The following SLC14A2 variants were observed in gnomAD, a reference collection of about 807,000 sequenced individuals.
SLC14A2 encodes the protein solute carrier family 14 member 2, also known as urea transporter 2.
A neutral mutation model predicts 104.6 loss-of-function variants in SLC14A2; 91 were observed. The observed-to-expected ratio is 0.87, with a 90% CI of 0.73 to 1.04. SLC14A2 has a LOEUF of 1.04. Among genes scored for constraint, SLC14A2 ranks in the 50% least tolerant of loss-of-function variants. SLC14A2 has a pLI of 0.00. For synonymous variants in SLC14A2, 476 were observed against 466.4 expected, an observed-to-expected ratio of 1.02 and a Z score of -0.27; for missense variants, 1,189 against 1,156.0, an observed-to-expected ratio of 1.03 and a Z score of -0.41.
At chr18:45,582,244 T>C (rs1227587229) in intron 2 of SLC14A2, among the ~76,000 whole-genome samples, 1 of 152,136 alleles carries the variant, frequency 6.6e-6, no homozygotes, top group African/African-American at 2.4e-5. Flanking sequence ...CCTCTAGCAT[T>C]TAAGTAGTAT....
intron 2 of SLC14A2, among the ~76,000 whole-genome samples, chr18:45,486,139 A>G (rs1348268037): frequency 6.6e-6 from 1 of 152,172 alleles, no homozygotes; most frequent in Non-Finnish European, 1.5e-5. Context: ...TGCTACTGCC[A>G]TTATTGTTTT....
Position 45,502,916 on chromosome 18 carries a change from G to T in SLC14A2, c.-35+19594G>T, listed in dbSNP as rs190215705. On this transcript the variant is annotated intron_variant, in intron 2 of 20. Coordinates refer to the SLC14A2 transcript ENST00000586448. ...ATGTGTCCTATGTGTCCTATTTCTGGTTTTTTTTTTTTAAGGAATGATCAA... is the reference window on the plus strand; with the variant it reads ...ATGTGTCCTATGTGTCCTATTTCTGTTTTTTTTTTTTTAAGGAATGATCAA... 1.1e-3 allele frequency among the ~76,000 whole-genome samples: 160 copies of T among 143,404 alleles called. 1 individual carries two copies. The highest frequency in any genetic ancestry group is 3.5e-3 in the African/African-American group (138 of 39,492). The allele number at this position is 143,404 out of a possible 152,430, so 94.1% of individuals were successfully genotyped here.
chr18:45,241,906 G>T (rs572752748), intron 1 of SLC14A2, among the ~76,000 whole-genome samples: 1 of 152,074 alleles, frequency 6.6e-6, no homozygotes, highest in East Asian at 1.9e-4. Context: ...GCCTCCCAAA[G>T]TGCTGGGATT....
intron 1 of SLC14A2, among the ~76,000 whole-genome samples, chr18:45,233,482 G>T (rs770413866): frequency 6.6e-6 from 1 of 152,098 alleles, no homozygotes; most frequent in Non-Finnish European, 1.5e-5. Flanking sequence ...AGCACTGGAA[G>T]AAACCAAACA....
At chr18:45,404,301 A>G (rs2086129636) in intron 1 of SLC14A2, among the ~76,000 whole-genome samples, 1 of 152,148 alleles carries the variant, frequency 6.6e-6, no homozygotes, top group Non-Finnish European at 1.5e-5. Flanking sequence ...TATGATAGAA[A>G]TTTTTGTATT....
chr18:45,393,469 C>T (rs1248095348), intron 1 of SLC14A2, among the ~76,000 whole-genome samples: 1 of 152,186 alleles, frequency 6.6e-6, no homozygotes, highest in African/African-American at 2.4e-5. Context: ...AATAGGATAA[C>T]ATGTTCCAGT....
intron 1 of SLC14A2, among the ~76,000 whole-genome samples, chr18:45,268,994 C>T (rs73952822): frequency 0.062 from 5,601 of 90,596 alleles, 222 homozygotes; most frequent in African/African-American, 0.18. Flanking sequence ...GTGTACAAAA[C>T]GGGATGGGAG....
In SLC14A2 at chr18:45,427,371, C is replaced by T. The variant is rs566243304; in HGVS notation, c.-124-55862C>T. ...CTTTCCATGGGACCACACACTTACACATTTGCACACCTGCCTGTCACTAAG... is the reference window on the plus strand; with the variant it reads ...CTTTCCATGGGACCACACACTTACATATTTGCACACCTGCCTGTCACTAAG... On this transcript the variant is annotated intron_variant, in intron 1 of 20. Coordinates refer to the SLC14A2 transcript ENST00000586448. Among the ~76,000 whole-genome samples the T allele has an allele frequency of 8.5e-5, 13 of 152,296 alleles. No homozygotes were observed. In the South Asian group the frequency reaches 2.5e-3, roughly 29 times the overall value.
chr18:45,322,128 G>A (rs1000042961), intron 1 of SLC14A2, among the ~76,000 whole-genome samples: 1 of 152,172 alleles, frequency 6.6e-6, no homozygotes, highest in African/African-American at 2.4e-5. Flanking sequence ...TTAATCTGGA[G>A]CAGCCCAAAG....
At chr18:45,305,475 G>A (rs1056042707) in intron 1 of SLC14A2, among the ~76,000 whole-genome samples, 2 of 152,142 alleles carry the variant, frequency 1.3e-5, no homozygotes, top group African/African-American at 2.4e-5. Flanking sequence ...GCTCCTTTTG[G>A]ATGGGTTTTA....
At chr18:45,363,474 C>A (rs1384203259) in intron 1 of SLC14A2, among the ~76,000 whole-genome samples, 2 of 152,158 alleles carry the variant, frequency 1.3e-5, no homozygotes, top group Non-Finnish European at 2.9e-5. Flanking sequence ...GACAATGCCA[C>A]TGGGGGATCT....
intron 2 of SLC14A2, among the ~76,000 whole-genome samples, chr18:45,605,013 C>T (rs932080196): frequency 1.3e-5 from 2 of 152,084 alleles, no homozygotes; most frequent in African/African-American, 4.8e-5. Context: ...TGTGTACATC[C>T]TTCTGCACAA....
At chr18:45,215,971 G>A (rs2084007235) in intron 1 of SLC14A2, among the ~76,000 whole-genome samples, 2 of 152,138 alleles carry the variant, frequency 1.3e-5, no homozygotes, top group Non-Finnish European at 2.9e-5. Flanking sequence ...CACCTATTGA[G>A]TACATAACAT....
chr18:45,338,941 T>A lies in SLC14A2; in HGVS notation c.-125+125750T>A, dbSNP rs563422256. 2.3e-4 allele frequency among the ~76,000 whole-genome samples: 34 copies of A among 148,438 alleles called. No homozygotes were observed. The South Asian group carries it at 6.6e-3, about 29-fold the overall frequency. On this transcript the variant is annotated intron_variant, in intron 1 of 20. Transcript: ENST00000586448. The stretch of plus-strand genomic sequence containing the variant: ...TTGCTCTCACTAGATTCTTATACCT[T>A]TTTTTTTTTTCTTGAGATAGAGTCT...
chr18:45,267,159 G>A (rs1393107471), intron 1 of SLC14A2, among the ~76,000 whole-genome samples: 9 of 152,026 alleles, frequency 5.9e-5, no homozygotes, highest in Non-Finnish European at 1.3e-4. Flanking sequence ...CAACACATCC[G>A]GACACAGGCC....
At chr18:45,333,007 G>A (rs1326792484) in intron 1 of SLC14A2, among the ~76,000 whole-genome samples, 4 of 152,062 alleles carry the variant, frequency 2.6e-5, no homozygotes. Context: ...GGGGTAAATG[G>A]GCTGAAATCT....
chr18:45,517,283 C>G (rs901687361), intron 2 of SLC14A2, among the ~76,000 whole-genome samples: 16 of 152,170 alleles, frequency 1.1e-4, no homozygotes, highest in Admixed American at 9.2e-4. Context: ...TCTCATGAGA[C>G]GCGGCCCTGG....
chr18:45,171,909 C>T, the SLC14A2 span, among the ~76,000 whole-genome samples: 3 of 152,070 alleles, frequency 2.0e-5, no homozygotes, highest in Non-Finnish European at 4.4e-5. Context: ...CAACTTCTTT[C>T]GTTAGCCCTC....
intron 1 of SLC14A2, among the ~76,000 whole-genome samples, chr18:45,379,855 G>T (rs1323689276): frequency 6.6e-6 from 1 of 152,212 alleles, no homozygotes; most frequent in East Asian, 1.9e-4. Context: ...ACATGGACCT[G>T]TAGAGGTATG....
Sources: gnomAD v4.1 joint callset for allele counts (sites outside exome capture counted in the v4.1 genomes callset) on GRCh38, gnomAD v4.1.1 for gene constraint, MANE v1.5 for transcripts, NCBI Gene and HGNC (gene_info 2026-07-23, HGNC 2026-07-21) for gene names.